CSMD1: variants seen among roughly 807,000 people sequenced by gnomAD.
CSMD1 encodes the protein CUB and sushi domain-containing protein 1.
In CSMD1, 213 loss-of-function variants were observed where a neutral mutation model predicts 417.5. That is an observed-to-expected ratio of 0.51 (90% CI 0.46 to 0.57). The LOEUF (loss-of-function observed/expected upper bound fraction) is 0.57, where lower values mean the gene tolerates loss of function less well. Among genes scored for constraint, CSMD1 ranks in the 20% least tolerant of loss-of-function variants. The probability of loss-of-function intolerance (pLI) is 0.00; values close to 1 mark genes in which losing one functional copy is unlikely to be tolerated. For synonymous variants in CSMD1, 2,862 were observed against 1,736.8 expected (o/e 1.65, Z -16.11); for missense variants, 6,923 against 4,529.7 (o/e 1.53, Z -15.17).
At chr8:3,690,517 C>T (rs377258451) in intron 7 of CSMD1, among the ~76,000 whole-genome samples, 3 of 152,184 alleles carry the variant, frequency 2.0e-5, no homozygotes, top group East Asian at 3.8e-4. Flanking sequence ...GGGACGCCTC[C>T]CAAATAGACT....
chr8:4,716,792 C>T (rs1309026608), intron 1 of CSMD1, among the ~76,000 whole-genome samples: 3 of 152,114 alleles, frequency 2.0e-5, no homozygotes, highest in Non-Finnish European at 2.9e-5. Context: ...ATCAGTGTCT[C>T]GCCTTTTTCC....
intron 2 of CSMD1, among the ~76,000 whole-genome samples, chr8:4,445,286 T>G (rs1026794955): frequency 3.9e-5 from 6 of 152,222 alleles, no homozygotes; most frequent in Non-Finnish European, 8.8e-5. Flanking sequence ...ACCTATGACA[T>G]TCCGTTAGTT....
chr8:3,087,057 A>G, intron 49 of CSMD1, 40 bp downstream of exon 49: 1 of 1,546,866 alleles, frequency 6.5e-7, no homozygotes, highest in Non-Finnish European at 8.9e-7. Flanking sequence ...TGAGAGCAAT[A>G]CACAGGAAAC....
chr8:4,655,964 T>C (rs1386356351), intron 1 of CSMD1, among the ~76,000 whole-genome samples: 1 of 152,080 alleles, frequency 6.6e-6, no homozygotes, highest in Non-Finnish European at 1.5e-5. Context: ...TGGAGTTCCA[T>C]GTTAGTGCAG....
chr8:3,291,534 T>A (rs532751304), intron 25 of CSMD1, among the ~76,000 whole-genome samples: 2 of 152,226 alleles, frequency 1.3e-5, no homozygotes, highest in Non-Finnish European at 2.9e-5. Flanking sequence ...GAGATTCAAC[T>A]TCTTCCTGGT....
chr8:4,150,174 T>C (rs1324490948), intron 3 of CSMD1, among the ~76,000 whole-genome samples: 3 of 152,324 alleles, frequency 2.0e-5, no homozygotes, highest in East Asian at 1.9e-4. Context: ...AATCCAGGTA[T>C]GTCCTGAGGC....
intron 5 of CSMD1, among the ~76,000 whole-genome samples, chr8:3,783,200 C>A (rs1584991291): frequency 6.6e-6 from 1 of 152,340 alleles, no homozygotes; most frequent in East Asian, 1.9e-4. Context: ...AATCACCATT[C>A]TTTCTTGTTC....
At chr8:4,763,780 G>A (rs1039894309) in intron 1 of CSMD1, among the ~76,000 whole-genome samples, 3 of 152,090 alleles carry the variant, frequency 2.0e-5, no homozygotes, top group Non-Finnish European at 4.4e-5. Flanking sequence ...CTAACTATAT[G>A]TTAACTTATC....
intron 3 of CSMD1, among the ~76,000 whole-genome samples, chr8:4,093,088 A>G (rs1343935519): frequency 6.6e-6 from 1 of 152,202 alleles, no homozygotes; most frequent in Non-Finnish European, 1.5e-5. Context: ...TTTTAACCAC[A>G]TAATTAACTC....
chr8:4,071,801 G>A lies in CSMD1; in HGVS notation c.416-39702C>T, dbSNP rs534114324. On this transcript the variant is annotated intron_variant, in intron 3 of 69. Coordinates refer to ENST00000635120, the MANE Select transcript of CSMD1 (RefSeq NM_033225.6). ...TCCTTGGCAGGAAATTAAGTTAGTT[G>A]CATTCAAATGAAAACTTCCTGTTGT... is the stretch of plus-strand genomic sequence containing the variant. 6.6e-5 allele frequency among the ~76,000 whole-genome samples: 10 copies of A among 152,190 alleles called. 1 individual carries two copies. The East Asian group carries it at 1.9e-3, about 29-fold the overall frequency.
chr8:3,685,499 C>G (rs781584643), intron 7 of CSMD1, among the ~76,000 whole-genome samples: 1 of 152,080 alleles, frequency 6.6e-6, no homozygotes, highest in Non-Finnish European at 1.5e-5. Flanking sequence ...AGACTCAAAT[C>G]CACCTCCCTG....
intron 3 of CSMD1, among the ~76,000 whole-genome samples, chr8:4,163,112 C>G (rs749055004): frequency 6.6e-6 from 1 of 152,110 alleles, no homozygotes; most frequent in Non-Finnish European, 1.5e-5. Flanking sequence ...TCTGATACAC[C>G]ACAAGTTTAT....
At chr8:3,728,657 G>A (rs185689365) in intron 6 of CSMD1, among the ~76,000 whole-genome samples, 115 of 152,194 alleles carry the variant, frequency 7.6e-4, no homozygotes, top group Admixed American at 2.0e-3. Context: ...GGGGAGCACA[G>A]ATGGAACAGA....
At chr8:3,444,597 G>T (rs1323700773) in intron 12 of CSMD1, among the ~76,000 whole-genome samples, 1 of 152,138 alleles carries the variant, frequency 6.6e-6, no homozygotes, top group African/African-American at 2.4e-5. Flanking sequence ...CAAGGCCAAT[G>T]ATGCTCCTAA....
At chr8:3,601,580 A>T (rs968750385) in intron 8 of CSMD1, among the ~76,000 whole-genome samples, 1 of 152,142 alleles carries the variant, frequency 6.6e-6, no homozygotes, top group Non-Finnish European at 1.5e-5. Context: ...TACACTAGTC[A>T]CCACAATCTA....
rs1199621947 is a variant in CSMD1 at position 4,584,643 on chromosome 8, G to T, written c.302+52699C>A. 5.3e-5 allele frequency among the ~76,000 whole-genome samples: 8 copies of T among 152,048 alleles called. No individual in the cohort carries two copies. The East Asian group carries it at 9.7e-4, about 18-fold the overall frequency. ...AGCTCCGGGGTCCCAACAACATGTT[G>T]GTTGACCCTGTGGCCATGACCGGAA... On this transcript the variant is annotated intron_variant, in intron 2 of 69. Coordinates refer to ENST00000635120, the MANE Select transcript of CSMD1 (RefSeq NM_033225.6).
chr8:3,440,296 T>C (rs1320754619), intron 12 of CSMD1, among the ~76,000 whole-genome samples: 1 of 152,230 alleles, frequency 6.6e-6, no homozygotes, highest in African/African-American at 2.4e-5. Flanking sequence ...TATATCTCTC[T>C]ACTTATTTTG....
At chr8:3,868,416 G>T (rs965197052) in intron 5 of CSMD1, among the ~76,000 whole-genome samples, 2 of 152,032 alleles carry the variant, frequency 1.3e-5, no homozygotes, top group East Asian at 1.9e-4. Flanking sequence ...TCCACACAAG[G>T]GCAGCTGGGG....
chr8:3,619,219 A>T (rs1330643975), intron 7 of CSMD1, among the ~76,000 whole-genome samples: 2 of 152,214 alleles, frequency 1.3e-5, no homozygotes, highest in African/African-American at 4.8e-5. Flanking sequence ...AGCAAAATGT[A>T]CACACAAACC....
Sources: gnomAD v4.1 joint callset for allele counts (sites outside exome capture counted in the v4.1 genomes callset) on GRCh38, gnomAD v4.1.1 for gene constraint, MANE v1.5 for transcripts, NCBI Gene and HGNC (gene_info 2026-07-23, HGNC 2026-07-21) for gene names.